Variants in CDC73 observed in about 807,000 individuals in gnomAD.
CDC73 encodes the protein parafibromin.
In CDC73, 21 loss-of-function variants were observed where a neutral mutation model predicts 83.7. The ratio of observed to expected loss-of-function variants is 0.25; its 90% confidence interval spans 0.18 to 0.36. The LOEUF is 0.36. CDC73 is among the 10% of genes least tolerant of loss of function. CDC73 has a pLI of 1.00. For synonymous variants in CDC73, 224 were observed against 212.9 expected (o/e 1.05, Z -0.45); for missense variants, 342 against 653.3 (o/e 0.52, Z 5.19).
intron 15 of CDC73, among the ~76,000 whole-genome samples, chr1:193,239,267 T>G (rs17593414): frequency 1.3e-5 from 2 of 152,168 alleles, no homozygotes; most frequent in African/African-American, 4.8e-5. Flanking sequence ...AGCCAGAAAC[T>G]TGGGAGTATA....
intron 13 of CDC73, among the ~76,000 whole-genome samples, chr1:193,223,415 G>C (rs543009459): frequency 1.1e-4 from 16 of 152,190 alleles, no homozygotes; most frequent in Non-Finnish European, 1.6e-4. Flanking sequence ...TTCTCTATTG[G>C]AGGTTTTAAA....
rs1343485327 is a variant in CDC73 at position 193,161,729 on chromosome 1, A to C, written c.972+9285A>C. Among the ~76,000 whole-genome samples the C allele has an allele frequency of 3.4e-4, 4 of 11,650 alleles. 1 individual carries two copies. The highest frequency in any genetic ancestry group is 3.0e-3 in the Admixed American group (2 of 666). 7.6% of individuals were successfully genotyped at this position (11,650 alleles called of 152,430 possible). A position where few individuals can be genotyped will look rare whatever the true frequency, so the allele number is the denominator to read the frequency against. Reference sequence around the variant, plus strand: ...ATCTATCATATAATATAATATATATAATATATAATATATATCATATTATAT... The same window carrying C: ...ATCTATCATATAATATAATATATATCATATATAATATATATCATATTATAT... On this transcript the variant is annotated intron_variant, in intron 10 of 16. Coordinates refer to ENST00000367435, the MANE Select transcript of CDC73 (RefSeq NM_024529.5).
rs1009532927 is a variant in CDC73 at position 193,223,865 on chromosome 1, CT to C, written c.1155-9117del. Among the ~76,000 whole-genome samples the C allele has an allele frequency of 7.0e-3, 979 of 140,674 alleles. 2 individuals carry two copies. The highest frequency in any genetic ancestry group is 0.011 in the African/African-American group (414 of 38,710). 92.3% of individuals were successfully genotyped at this position (140,674 alleles called of 152,430 possible). A position where few individuals can be genotyped will look rare whatever the true frequency, so the allele number is the denominator to read the frequency against. On this transcript the variant is annotated intron_variant, in intron 13 of 16. Transcript: ENST00000367435. ...CTTTTAAGATTTTTTTTCTTTTTTC[CT>C]TTTTTTTTTTGTATTGATACGTAAT... is the stretch of plus-strand genomic sequence containing the variant.
chr1:193,253,167 C>CT lies in CDC73; in HGVS notation c.*2456dup, dbSNP rs1678071233. ...AGGTTTCAATCAGTTGCTCTCAACC[C>CT]TGACTGCATTTTAGAATCATTTGGA... is the stretch of plus-strand genomic sequence containing the variant. On this transcript the variant is annotated 3_prime_UTR_variant, in exon 17 of 17. Transcript: ENST00000367435. The CT allele has an allele frequency of 4.3e-6, 1 of 232,324 alleles. No homozygotes were observed. Among genetic ancestry groups the CT allele is most frequent in the African/African-American group, 2.2e-5 (1 of 45,304 alleles). The allele number at this position is 232,324 out of a possible 1,614,324, so 14.4% of individuals were successfully genotyped here.
At chr1:193,242,352 G>T (rs981322711) in intron 15 of CDC73, among the ~76,000 whole-genome samples, 5 of 152,174 alleles carry the variant, frequency 3.3e-5, no homozygotes, top group African/African-American at 1.2e-4. Context: ...CCCTGGCTAG[G>T]ATTGCAGGAG....
chr1:193,194,255 C>T (rs1676965154), intron 10 of CDC73, among the ~76,000 whole-genome samples: 1 of 152,200 alleles, frequency 6.6e-6, no homozygotes, highest in South Asian at 2.1e-4. Flanking sequence ...AATTTCAGAG[C>T]AGAATTGGAC....
intron 5 of CDC73, among the ~76,000 whole-genome samples, chr1:193,136,127 T>C (rs983499849): frequency 1.3e-5 from 2 of 152,190 alleles, no homozygotes; most frequent in African/African-American, 4.8e-5. Context: ...GTAAATATTT[T>C]AGGCCTTATG....
intron 1 of CDC73, among the ~76,000 whole-genome samples, chr1:193,124,295 G>T (rs1030732649): frequency 6.6e-6 from 1 of 152,018 alleles, no homozygotes; most frequent in African/African-American, 2.4e-5. Context: ...TTATTTTTCT[G>T]TTCTTTTCTA....
intron 10 of CDC73, among the ~76,000 whole-genome samples, chr1:193,174,197 C>T (rs948087752): frequency 3.3e-5 from 5 of 152,076 alleles, no homozygotes; most frequent in East Asian, 1.9e-4. Flanking sequence ...AGTTCTTTAC[C>T]TCTTAGCCTT....
Position 193,252,235 on chromosome 1 carries a change from T to C in CDC73, c.*1523T>C, listed in dbSNP as rs757392730. On this transcript the variant is annotated 3_prime_UTR_variant, in exon 17 of 17. Coordinates refer to ENST00000367435, the MANE Select transcript of CDC73 (RefSeq NM_024529.5). ...GTTTGAACAGATTCTACCCCTATTTTCCTCCCTTTTTAGCGTCTTCTTTCC... is the reference window on the plus strand; with the variant it reads ...GTTTGAACAGATTCTACCCCTATTTCCCTCCCTTTTTAGCGTCTTCTTTCC... 3 of 230,926 alleles carry C rather than the reference T, an allele frequency of 1.3e-5. No individual in the cohort carries two copies. The highest frequency in any genetic ancestry group is 2.6e-5 in the Non-Finnish European group (3 of 116,592). The allele number at this position is 230,926 out of a possible 1,614,324, so 14.3% of individuals were successfully genotyped here. A position where few individuals can be genotyped will look rare whatever the true frequency, so the allele number is the denominator to read the frequency against.
intron 7 of CDC73, among the ~76,000 whole-genome samples, chr1:193,146,512 A>AGCAAGCAAGCAAGCAAGCAC (rs1676003541): frequency 6.6e-6 from 1 of 152,176 alleles, no homozygotes; most frequent in Non-Finnish European, 1.5e-5. Context: ...CAAGCAAGCA[A>AGCAAGCAAGCAAGCAAGCAC]GCAAGCAAAT....
intron 1 of CDC73, 54 bp downstream of exon 1, chr1:193,122,385 C>T: frequency 1.1e-5 from 17 of 1,611,446 alleles, no homozygotes; most frequent in Non-Finnish European, 1.4e-5. Flanking sequence ...TGGGCGCCCC[C>T]AGGCGACCTC....
intron 13 of CDC73, among the ~76,000 whole-genome samples, chr1:193,214,248 T>C (rs1677324144): frequency 1.3e-5 from 2 of 152,216 alleles, no homozygotes; most frequent in Admixed American, 6.5e-5. Context: ...ATTTCAGGTA[T>C]ATGTTACATT....
At chr1:193,125,256 G>T in intron 2 of CDC73, 39 bp downstream of exon 2, 1 of 1,205,492 alleles carries the variant, frequency 8.3e-7, no homozygotes, top group Non-Finnish European at 1.2e-6. Context: ...CTATTTATCA[G>T]TTTTATTTTT....
chr1:193,249,895 TTG>T, intron 16 of CDC73, 24 bp downstream of exon 16: 1 of 1,608,708 alleles, frequency 6.2e-7, no homozygotes, highest in Non-Finnish European at 8.5e-7. Context: ...TAAAATATGC[TTG>T]TGTGTGTTTT....
chr1:193,211,931 TA>T, intron 11 of CDC73, 133 bp from the exon 12 acceptor site: 1 of 682,972 alleles, frequency 1.5e-6, no homozygotes. Context: ...AAGATAGTTG[TA>T]AAAAAAGTCT....
intron 10 of CDC73, among the ~76,000 whole-genome samples, chr1:193,173,790 T>TG (rs1230167586): frequency 6.6e-6 from 1 of 152,158 alleles, no homozygotes; most frequent in Admixed American, 6.5e-5. Flanking sequence ...AAGATATTTT[T>TG]TAAAAACACA....
chr1:193,152,266 C>T (rs1342553039), intron 9 of CDC73, 114 bp from the exon 10 acceptor site: 2 of 717,342 alleles, frequency 2.8e-6, no homozygotes, highest in Admixed American at 4.4e-5. Context: ...AGATTCAAGG[C>T]TTTGTATATT....
At chr1:193,180,162 A>G (rs1313961362) in intron 10 of CDC73, 1 of 792,320 alleles carries the variant, frequency 1.3e-6, no homozygotes, top group African/African-American at 1.8e-5. Flanking sequence ...TTCAGAAATT[A>G]AAAAAATACT....
Sources: allele counts gnomAD v4.1 joint callset (sites outside exome capture counted in the v4.1 genomes callset), GRCh38; gene constraint gnomAD v4.1.1; transcripts MANE v1.5; gene names NCBI Gene and HGNC (gene_info 2026-07-23, HGNC 2026-07-21).